DET1: variants seen among roughly 807,000 people sequenced by gnomAD.
The protein encoded by DET1 is DET1 homolog.
DET1 carries 22 observed loss-of-function variants against 43.7 expected under a neutral mutation model. The observed-to-expected ratio is 0.50, with a 90% confidence interval of 0.36 to 0.72. DET1 has a LOEUF of 0.72. DET1 is among the 30% of genes least tolerant of loss of function. The pLI, the probability that DET1 is intolerant of heterozygous loss-of-function variation, is 0.00. For synonymous variants in DET1, 315 were observed against 266.2 expected (o/e 1.18, Z -1.79); for missense variants, 713 against 713.3 (o/e 1.00, Z 0.00).
rs182587227 is a variant in DET1 at position 88,506,267 on chromosome 15, G to T, written c.*2066-2280C>A. The stretch of plus-strand genomic sequence containing the variant: ...TAAAATTCTTATCATCATGCCCAGG[G>T]GTACATCATAGGTGACACAGCCAGG... On this transcript the variant is annotated intron_variant and NMD_transcript_variant, in intron 7 of 8. Coordinates refer to the DET1 transcript ENST00000557842. Among the ~76,000 whole-genome samples the T allele has an allele frequency of 9.4e-3, 1,430 of 152,226 alleles. 15 individuals carry two copies. The highest frequency in any genetic ancestry group is 0.015 in the Non-Finnish European group (1,015 of 68,022).
downstream of DET1, among the ~76,000 whole-genome samples, chr15:88,507,497 G>A (rs74499360): frequency 8.2e-3 from 1,241 of 152,052 alleles, 41 homozygotes; most frequent in East Asian, 0.091. Context: ...CCACACATCC[G>A]ACTTCACTCT....
chr15:88,539,579 G>C (rs1207165983), intron 1 of DET1, among the ~76,000 whole-genome samples: 2 of 151,906 alleles, frequency 1.3e-5, no homozygotes, highest in East Asian at 1.9e-4. Context: ...TCAAGGTTTT[G>C]CATGTCAGGA....
chr15:88,513,108 A>G lies in DET1; in HGVS notation c.1496T>C (p.Phe499Ser), dbSNP rs771667500. 2 of 1,613,728 alleles carry G rather than the reference A, an allele frequency of 1.2e-6. No homozygotes were observed. The highest frequency in any genetic ancestry group is 1.1e-5 in the South Asian group (1 of 91,018). Residue 499 changes from phenylalanine to serine, a missense_variant, in exon 5 of 5, where the codon TTT becomes TCT. Coordinates refer to ENST00000268148, the MANE Select transcript of DET1 (RefSeq NM_001144074.3). The stretch of plus-strand genomic sequence containing the variant: ...GCCCAATAACCCCGCCTGGATCTCA[A>G]ACTTGAGCAGGCCCGAGTCCCGGGC... ...FYARDSGLLK[F>S]EIQAGLLGRP...
chr15:88,531,136 G>A lies in DET1; in HGVS notation c.570C>T (p.Asp190=). ...GAAGGTCAATGATATGGAGGGAATAGTCTTCTAGAGGGGACCGTGGGTTGG... is the reference window on the plus strand; with the variant it reads ...GAAGGTCAATGATATGGAGGGAATAATCTTCTAGAGGGGACCGTGGGTTGG... The part of the protein sequence containing the change: ...VTPNPRSPLE[D]YSLHIIDLHT... The change falls in exon 2 of 5, where the codon GAC becomes GAT. Residue 190 remains aspartate, a synonymous_variant. Transcript: ENST00000268148. The surrounding 1 kb of genome is among the most constrained non-coding windows in gnomAD (Gnocchi z 6.2). The A allele has an allele frequency of 7.4e-6, 12 of 1,613,998 alleles. No individual in the cohort carries two copies. Among genetic ancestry groups the A allele is most frequent in the Non-Finnish European group, 1.0e-5 (12 of 1,179,896 alleles).
chr15:88,538,194 C>T (rs903766369), intron 1 of DET1, among the ~76,000 whole-genome samples: 1 of 151,840 alleles, frequency 6.6e-6, no homozygotes, highest in Non-Finnish European at 1.5e-5. Context: ...GCTAAGAGAG[C>T]CAGACAGACT....
In DET1 at chr15:88,530,828, T is replaced by G. The variant is rs1299640298; in HGVS notation, c.878A>C (p.Asn293Thr). 1 of 1,613,782 alleles carries G rather than the reference T, an allele frequency of 6.2e-7. No homozygotes were observed. Among genetic ancestry groups the G allele is most frequent in the African/African-American group, 1.3e-5 (1 of 74,876 alleles). The change falls in exon 2 of 5, where the codon AAT becomes ACT. Residue 293 changes from asparagine to threonine, a missense_variant. Coordinates refer to ENST00000268148, the MANE Select transcript of DET1 (RefSeq NM_001144074.3). ...TACCAGCAACCGGTGTTTGAGGGAA[T>G]TGATGAAAGGATCCCTAAAGGGATT... ...MANPFRDPFI[N>T]SLKHRLLVYL...
Position 88,531,106 on chromosome 15 carries a change from G to A in DET1, c.600C>T (p.Thr200=), listed in dbSNP as rs200801177. The change falls in exon 2 of 5, where the codon ACC becomes ACT. Residue 200 remains threonine, a synonymous_variant. Coordinates refer to ENST00000268148, the MANE Select transcript of DET1 (RefSeq NM_001144074.3). The surrounding 1 kb of genome is among the most constrained non-coding windows in gnomAD (Gnocchi z 6.2). ...DYSLHIIDLH[T]GRLCDTRTFK... ...ACGTGCGTGTATCACATAAGCGGCCGGTGTGAAGGTCAATGATATGGAGGG... is the reference window on the plus strand; with the variant it reads ...ACGTGCGTGTATCACATAAGCGGCCAGTGTGAAGGTCAATGATATGGAGGG... 1.1e-4 allele frequency: 172 copies of A among 1,613,958 alleles called. 4 individuals carry two copies. The East Asian group carries it at 1.7e-3, about 16-fold the overall frequency.
At chr15:88,528,806 T>C (rs1414706011) in intron 2 of DET1, among the ~76,000 whole-genome samples, 1 of 152,224 alleles carries the variant, frequency 6.6e-6, no homozygotes, top group Non-Finnish European at 1.5e-5. Context: ...CCCACCTGTT[T>C]TACTAGTAAT....
At position 88,531,338 on chromosome 15, in the gene DET1, C is replaced by A; in HGVS notation, c.368G>T (p.Arg123Leu). ...SVNIRGRLFERFFVLLHITNV... is the reference protein window; with the variant it reads ...SVNIRGRLFELFFVLLHITNV... Reference sequence around the variant, plus strand: ...GGTAATGTGCAGCAGGACAAAAAAGCGTTCAAAGAGCCGGCCCCGGATATT... The same window carrying A: ...GGTAATGTGCAGCAGGACAAAAAAGAGTTCAAAGAGCCGGCCCCGGATATT... The change falls in exon 2 of 5, where the codon CGC (arginine) becomes CTC (leucine). Residue 123 changes from arginine (R) to leucine (L), a missense_variant. Arg to Leu is a moderately radical substitution (Grantham distance 102). Coordinates refer to ENST00000268148, the MANE Select transcript of DET1 (RefSeq NM_001144074.3). The surrounding 1 kb of genome is among the most constrained non-coding windows in gnomAD (Gnocchi z 6.2). 6.2e-7 allele frequency: 1 copy of A among 1,613,986 alleles called. No individual in the cohort carries two copies. Among genetic ancestry groups the A allele is most frequent in the Non-Finnish European group, 8.5e-7 (1 of 1,179,878 alleles).
chr15:88,514,594 G>C (rs1183155310), intron 4 of DET1, among the ~76,000 whole-genome samples: 1 of 152,196 alleles, frequency 6.6e-6, no homozygotes, highest in Admixed American at 6.5e-5. Flanking sequence ...CTATTTGATA[G>C]AATAATACGC....
chr15:88,511,728 G>T (rs2056203781), downstream of DET1: 2 of 418,816 alleles, frequency 4.8e-6, no homozygotes, highest in South Asian at 1.0e-4. Flanking sequence ...GAAGGAGACT[G>T]AATTTAGCTA....
chr15:88,515,019 C>G (rs2142259055), intron 4 of DET1, among the ~76,000 whole-genome samples: 1 of 152,228 alleles, frequency 6.6e-6, no homozygotes, highest in African/African-American at 2.4e-5. Flanking sequence ...GCCTTACTCC[C>G]ACAATCCCCA....
downstream of DET1, among the ~76,000 whole-genome samples, chr15:88,511,940 AACAAGCCTACTAC>A (rs1365096200): frequency 6.6e-6 from 1 of 152,184 alleles, no homozygotes; most frequent in Non-Finnish European, 1.5e-5. Flanking sequence ...GATGTTACTA[AACAAGCCTACTAC>A]ACTACTGGCG....
At chr15:88,532,296 C>G (rs1459766049) in intron 1 of DET1, among the ~76,000 whole-genome samples, 2 of 126,036 alleles carry the variant, frequency 1.6e-5, no homozygotes, top group African/African-American at 5.1e-5. Flanking sequence ...GAGTGAGACT[C>G]TATCTCAAAC....
At chr15:88,511,960 G>A (rs746273614), downstream of DET1, among the ~76,000 whole-genome samples, 3 of 152,118 alleles carry the variant, frequency 2.0e-5, no homozygotes, top group Non-Finnish European at 4.4e-5. Flanking sequence ...CTACACTACT[G>A]GCGGATACAT....
intron 3 of DET1, among the ~76,000 whole-genome samples, chr15:88,524,132 C>T (rs1419722653): frequency 3.3e-5 from 5 of 151,946 alleles, no homozygotes; most frequent in Non-Finnish European, 5.9e-5. Context: ...CCGGCCGCCC[C>T]GTCGGGGATG....
At chr15:88,543,592 C>G (rs75085932) in intron 1 of DET1, among the ~76,000 whole-genome samples, 4 of 152,196 alleles carry the variant, frequency 2.6e-5, no homozygotes, top group Admixed American at 6.5e-5. Flanking sequence ...TCTCAAGCAG[C>G]GAGTATGAAA....
chr15:88,530,876 C>T lies in DET1; in HGVS notation c.830G>A (p.Arg277Gln), dbSNP rs755197050. The part of the protein sequence containing the change: ...TVSAVFPEVQ[R>Q]DSQTGMANPF... ...ATTGGCCATGCCTGTCTGACTGTCC[C>T]GCTGTACCTCAGGGAAAACAGCTGA... Residue 277 changes from arginine (R) to glutamine (Q), a missense_variant, in exon 2 of 5, where the codon CGG becomes CAG. Coordinates refer to ENST00000268148, the MANE Select transcript of DET1 (RefSeq NM_001144074.3). The T allele has an allele frequency of 2.2e-5, 36 of 1,613,986 alleles. No homozygotes were observed. The highest frequency in any genetic ancestry group is 2.1e-4 in the South Asian group (19 of 91,070).
At chr15:88,539,316 G>A (rs564358626) in intron 1 of DET1, among the ~76,000 whole-genome samples, 14 of 151,988 alleles carry the variant, frequency 9.2e-5, no homozygotes, top group African/African-American at 7.2e-5. Flanking sequence ...AGGCAGCATC[G>A]GACATAGCTC....
Sources: allele counts gnomAD v4.1 joint callset (sites outside exome capture counted in the v4.1 genomes callset), GRCh38; gene constraint gnomAD v4.1.1; non-coding constraint Gnocchi (gnomAD v3.1); transcripts MANE v1.5; gene names NCBI Gene and HGNC (gene_info 2026-07-23, HGNC 2026-07-21).